CNTNAP2: variants seen among roughly 807,000 people sequenced by gnomAD.
CNTNAP2 encodes contactin associated protein 2.
A neutral mutation model predicts 155.2 loss-of-function variants in CNTNAP2; 98 were observed. That is an observed-to-expected ratio of 0.63 (90% CI 0.54 to 0.75). The LOEUF is 0.75. Among genes scored for constraint, CNTNAP2 ranks in the 30% least tolerant of loss-of-function variants. CNTNAP2 has a pLI of 0.00. For missense variants in CNTNAP2, 1,727 were observed against 1,688.1 expected (o/e 1.02, Z -0.40); for synonymous variants, 651 against 631.2 (o/e 1.03, Z -0.47).
chr7:146,506,005 G>A (rs367634379), intron 1 of CNTNAP2, among the ~76,000 whole-genome samples: 1 of 152,288 alleles, frequency 6.6e-6, no homozygotes. Flanking sequence ...TAGTTTGTGG[G>A]TTATATGGAA....
At chr7:147,340,779 C>T (rs898817772) in intron 9 of CNTNAP2, among the ~76,000 whole-genome samples, 1 of 151,988 alleles carries the variant, frequency 6.6e-6, no homozygotes, top group Non-Finnish European at 1.5e-5. Context: ...TTTCAACACT[C>T]TCTCCACATT....
chr7:147,965,836 C>G (rs1269103241), intron 14 of CNTNAP2, among the ~76,000 whole-genome samples: 1 of 152,204 alleles, frequency 6.6e-6, no homozygotes, highest in Admixed American at 6.5e-5. Context: ...TTTGGGCCAC[C>G]TCACCCTGAA....
chr7:147,033,166 A>ATATATATATATATATATATATATG (rs1799071378), intron 3 of CNTNAP2, among the ~76,000 whole-genome samples: 2 of 27,936 alleles, frequency 7.2e-5, no homozygotes, highest in Admixed American at 2.1e-4. Flanking sequence ...ATATGTATAT[A>ATATATATATATATATATATATATG]TATATATATA....
chr7:147,447,289 T>C (rs778504730), intron 10 of CNTNAP2, among the ~76,000 whole-genome samples: 3 of 152,226 alleles, frequency 2.0e-5, no homozygotes, highest in Non-Finnish European at 2.9e-5. Context: ...TACTTACATA[T>C]ACATATGTAT....
chr7:148,019,113 C>T (rs1325839745), intron 15 of CNTNAP2, among the ~76,000 whole-genome samples: 1 of 152,192 alleles, frequency 6.6e-6, no homozygotes, highest in South Asian at 2.1e-4. Context: ...GGATTTACAC[C>T]TAGCAATGCA....
intron 6 of CNTNAP2, among the ~76,000 whole-genome samples, chr7:147,124,941 C>T (rs557843728): frequency 2.2e-5 from 3 of 135,228 alleles, no homozygotes; most frequent in African/African-American, 8.5e-5. Context: ...AGTGCAGTGG[C>T]GCGATTTTGG....
intron 12 of CNTNAP2, among the ~76,000 whole-genome samples, chr7:147,632,832 A>G (rs1323693954): frequency 6.6e-6 from 1 of 152,202 alleles, no homozygotes; most frequent in Non-Finnish European, 1.5e-5. Context: ...AGTGATATGG[A>G]CAATGAAGTC....
intron 22 of CNTNAP2, among the ~76,000 whole-genome samples, chr7:148,406,334 A>G (rs1271767872): frequency 6.6e-6 from 1 of 152,226 alleles, no homozygotes; most frequent in East Asian, 1.9e-4. Flanking sequence ...GGAGACAGGA[A>G]ATATCACTCA....
intron 21 of CNTNAP2, among the ~76,000 whole-genome samples, chr7:148,290,032 T>C (rs2116479027): frequency 6.6e-6 from 1 of 152,320 alleles, no homozygotes; most frequent in African/African-American, 2.4e-5. Context: ...TCAGAATCTA[T>C]GTTCAGTGTT....
At chr7:147,576,732 A>G (rs1434554987) in intron 12 of CNTNAP2, among the ~76,000 whole-genome samples, 2 of 152,138 alleles carry the variant, frequency 1.3e-5, no homozygotes, top group Non-Finnish European at 2.9e-5. Context: ...GTCAACTTCC[A>G]TAATGCAACT....
chr7:147,536,175 C>T lies in CNTNAP2; in HGVS notation c.1778-25963C>T, dbSNP rs113915629. Among the ~76,000 whole-genome samples the T allele has an allele frequency of 2.0e-3, 302 of 152,304 alleles. 4 individuals are homozygous for T. Among genetic ancestry groups the T allele is most frequent in the African/African-American group, 6.7e-3 (280 of 41,568 alleles). On this transcript the variant is annotated intron_variant, in intron 11 of 23. Coordinates refer to ENST00000361727, the MANE Select transcript of CNTNAP2 (RefSeq NM_014141.6). ...AAATTTAACATGTTTCTTTTCCCAG[C>T]ATTTTAAAATCAATTCCTCCTTTGA...
At chr7:148,300,961 A>G (rs997629297) in intron 21 of CNTNAP2, among the ~76,000 whole-genome samples, 4 of 152,234 alleles carry the variant, frequency 2.6e-5, no homozygotes, top group Admixed American at 6.5e-5. Flanking sequence ...GTGCACAACA[A>G]TGTGAATACA....
At chr7:147,627,223 C>A (rs1425994236) in intron 12 of CNTNAP2, among the ~76,000 whole-genome samples, 3 of 152,102 alleles carry the variant, frequency 2.0e-5, no homozygotes, top group South Asian at 4.1e-4. Context: ...CGAGAAGGAA[C>A]CAGAAAAGTA....
chr7:147,025,572 C>A (rs1262488161), intron 3 of CNTNAP2, among the ~76,000 whole-genome samples: 1 of 151,280 alleles, frequency 6.6e-6, no homozygotes, highest in African/African-American at 2.4e-5. Flanking sequence ...CAATCACCTC[C>A]CACTAGGTCC....
chr7:146,926,131 T>A (rs1259134559), intron 3 of CNTNAP2, among the ~76,000 whole-genome samples: 2 of 152,164 alleles, frequency 1.3e-5, no homozygotes, highest in African/African-American at 4.8e-5. Flanking sequence ...ATTACAATTC[T>A]TTAGTTGCTA....
Position 146,406,438 on chromosome 7 carries a change from T to C in CNTNAP2, c.97+289465T>C, listed in dbSNP as rs750491818. On this transcript the variant is annotated intron_variant, in intron 1 of 23. Transcript: ENST00000361727. Reference sequence around the variant, plus strand: ...TTGAGGATTTTTGAACATGATGCAATATATTTCTTTCTAGGACAGTTACAG... The same window carrying C: ...TTGAGGATTTTTGAACATGATGCAACATATTTCTTTCTAGGACAGTTACAG... Among the ~76,000 whole-genome samples the C allele has an allele frequency of 5.9e-5, 9 of 152,222 alleles. 1 individual carries two copies. The highest frequency in any genetic ancestry group is 2.0e-4 in the Admixed American group (3 of 15,284).
At chr7:146,914,656 C>G (rs948977349) in intron 3 of CNTNAP2, among the ~76,000 whole-genome samples, 1 of 151,400 alleles carries the variant, frequency 6.6e-6, no homozygotes, top group Non-Finnish European at 1.5e-5. Context: ...GTTTTTTTGT[C>G]TAGTTGATTT....
At chr7:147,841,002 G>A (rs80334633) in intron 13 of CNTNAP2, among the ~76,000 whole-genome samples, 6,910 of 152,080 alleles carry the variant, frequency 0.045, 273 homozygotes, top group Admixed American at 0.12. Context: ...CACTACCTCC[G>A]GCTTCAAATT....
intron 1 of CNTNAP2, among the ~76,000 whole-genome samples, chr7:146,126,467 G>T (rs931813644): frequency 3.9e-5 from 6 of 152,074 alleles, no homozygotes; most frequent in Non-Finnish European, 7.4e-5. Context: ...TCACAATAAG[G>T]TACTTTTGCA....
Sources: gnomAD v4.1 joint callset for allele counts (sites outside exome capture counted in the v4.1 genomes callset) on GRCh38, gnomAD v4.1.1 for gene constraint, MANE v1.5 for transcripts, NCBI Gene and HGNC (gene_info 2026-07-23, HGNC 2026-07-21) for gene names.